Variants in STARD3 observed in about 807,000 individuals in gnomAD.
STARD3 encodes the protein stAR-related lipid transfer protein 3.
Under a neutral mutation model 62.0 loss-of-function variants are expected in STARD3, and 39 were observed. That is an observed-to-expected ratio of 0.63 (90% CI 0.49 to 0.82). The LOEUF (loss-of-function observed/expected upper bound fraction) is 0.82. STARD3 is among the 40% of genes least tolerant of loss of function. The pLI is 0.00. For synonymous variants in STARD3, 229 were observed against 242.4 expected, an observed-to-expected ratio of 0.94 and a Z score of 0.51; for missense variants, 543 against 584.5, an observed-to-expected ratio of 0.93 and a Z score of 0.73.
chr17:39,658,985 AC>A (rs1208548390), intron 7 of STARD3, 65 bp from the exon 8 acceptor site: 19 of 1,603,398 alleles, frequency 1.2e-5, no homozygotes, highest in Non-Finnish European at 1.5e-5. Context: ...ACATACCCGA[AC>A]CCCACTACCT....
intron 3 of STARD3, among the ~76,000 whole-genome samples, chr17:39,657,482 G>A (rs1477139830): frequency 1.3e-5 from 2 of 151,418 alleles, no homozygotes; most frequent in South Asian, 4.2e-4. Flanking sequence ...AGCTGAGACC[G>A]TGCCACCGCA....
chr17:39,637,784 C>G (rs1269974912), intron 1 of STARD3, among the ~76,000 whole-genome samples: 3 of 152,168 alleles, frequency 2.0e-5, no homozygotes. Context: ...TAGTCAATGT[C>G]TCCTGGTTTT....
chr17:39,653,454 A>G (rs1297547022), intron 1 of STARD3, 27 bp from the exon 2 acceptor site: 11 of 1,474,132 alleles, frequency 7.5e-6, no homozygotes, highest in Non-Finnish European at 1.0e-5. Context: ...GGAGTTTGAC[A>G]GGACTCTGCC....
chr17:39,653,491 G>T lies in STARD3; in HGVS notation c.-41G>T, dbSNP rs1030054060. On this transcript the variant is annotated 5_prime_UTR_variant, in exon 2 of 15. The change abolishes the stop of an existing upstream ORF in the 5' untranslated region. Transcript: ENST00000336308. ...CTGCCTCGCCCCCAGCCCTGCTGCT[G>T]AGGCCGCGCCCTCCCCGCCCTGAGG... 1.3e-6 allele frequency: 2 copies of T among 1,590,338 alleles called. No homozygotes were observed. The highest frequency in any genetic ancestry group is 1.7e-6 in the Non-Finnish European group (2 of 1,173,744).
chr17:39,659,046 T>A lies in STARD3; in HGVS notation c.647-5T>A, dbSNP rs753030570. 6.2e-7 allele frequency: 1 copy of A among 1,614,204 alleles called. No individual in the cohort carries two copies. The highest frequency in any genetic ancestry group is 2.2e-5 in the East Asian group (1 of 44,874). On this transcript the variant is annotated splice_region_variant and splice_polypyrimidine_tract_variant and intron_variant, in intron 7 of 14. Transcript: ENST00000336308. Reference sequence around the variant, plus strand: ...GCCATTGTCATCTGTGCCTGTTTTCTGCAGGGTCTGACAATGAATCAGATG... The same window carrying A: ...GCCATTGTCATCTGTGCCTGTTTTCAGCAGGGTCTGACAATGAATCAGATG...
Position 39,661,025 on chromosome 17 carries a change from A to C in STARD3, c.1079A>C (p.Tyr360Ser), listed in dbSNP as rs765589654. 2 of 1,613,582 alleles carry C rather than the reference A, an allele frequency of 1.2e-6. No individual in the cohort carries two copies. The highest frequency in any genetic ancestry group is 2.7e-5 in the African/African-American group (2 of 74,858). Reference sequence around the variant, plus strand: ...CGCATTGAGCGGCGCAGGGACCGATACTTGTCATCAGGGATCGCCACCTCA... The same window carrying C: ...CGCATTGAGCGGCGCAGGGACCGATCCTTGTCATCAGGGATCGCCACCTCA... ...VRRIERRRDR[Y>S]LSSGIATSHS... Residue 360 changes from tyrosine (Y) to serine (S), a missense_variant, in exon 13 of 15, where the codon TAC becomes TCC. Transcript: ENST00000336308.
At position 39,660,215 on chromosome 17, in the gene STARD3, A is replaced by G. The variant is rs1386458696; in HGVS notation, c.800A>G (p.Tyr267Cys). The part of the protein sequence containing the change: ...ENWKFEKNNE[Y>C]GDTVYTIEVP... ...CACCTTCTGTCCCTGCCATAGGAAT[A>G]TGGGGACACCGTGTACACCATTGAA... Residue 267 changes from tyrosine (Y) to cysteine (C), a missense_variant, in exon 10 of 15, where the codon TAT (tyrosine) becomes TGT (cysteine). By Grantham distance (194) the Tyr-to-Cys change is radical. Transcript: ENST00000336308. The surrounding 1 kb of genome is among the most constrained non-coding windows in gnomAD (Gnocchi z 4.8). 1 of 1,613,816 alleles carries G rather than the reference A, an allele frequency of 6.2e-7. No homozygotes were observed. The highest frequency in any genetic ancestry group is 1.3e-5 in the African/African-American group (1 of 74,864).
intron 2 of STARD3, among the ~76,000 whole-genome samples, chr17:39,655,371 A>G (rs1291674216): frequency 6.6e-6 from 1 of 150,530 alleles, no homozygotes; most frequent in Admixed American, 6.6e-5. Context: ...TTTGGTAGAG[A>G]TGGAGTCTCA....
At chr17:39,640,201 C>T (rs1052349702) in intron 1 of STARD3, among the ~76,000 whole-genome samples, 2 of 152,184 alleles carry the variant, frequency 1.3e-5, no homozygotes, top group African/African-American at 2.4e-5. Context: ...GCACATCTGG[C>T]AGCTTGTGCC....
chr17:39,644,851 CAA>C (rs35361174), intron 1 of STARD3, among the ~76,000 whole-genome samples: 20 of 116,838 alleles, frequency 1.7e-4, no homozygotes, highest in African/African-American at 2.7e-4. Flanking sequence ...GACAGAGTCT[CAA>C]AAAAAAAAAA....
chr17:39,641,315 A>G (rs1230337326), intron 1 of STARD3, among the ~76,000 whole-genome samples: 1 of 152,056 alleles, frequency 6.6e-6, no homozygotes, highest in Non-Finnish European at 1.5e-5. Context: ...AGCTGTGATA[A>G]GGGAAATGCT....
chr17:39,657,103 A>G lies in STARD3; in HGVS notation c.297+18A>G. On this transcript the variant is annotated intron_variant, in intron 3 of 14. Coordinates refer to ENST00000336308, the MANE Select transcript of STARD3 (RefSeq NM_006804.4). ...ACATCTTTGTGAGTGGCCTTGGCTG[A>G]TCCTGGGGACCCCGGAGGCAGAGAG... is the stretch of plus-strand genomic sequence containing the variant. 6.2e-7 allele frequency: 1 copy of G among 1,613,446 alleles called. No homozygotes were observed. Among genetic ancestry groups the G allele is most frequent in the Non-Finnish European group, 8.5e-7 (1 of 1,179,670 alleles).
chr17:39,657,324 G>A (rs970415937), intron 3 of STARD3, among the ~76,000 whole-genome samples: 1 of 152,076 alleles, frequency 6.6e-6, no homozygotes, highest in African/African-American at 2.4e-5. Context: ...TTAGGAGTTC[G>A]AAACCAGCTT....
chr17:39,659,476 C>A lies in STARD3; in HGVS notation c.718C>A (p.Arg240Ser). 3 of 1,614,092 alleles carry A rather than the reference C, an allele frequency of 1.9e-6. No individual in the cohort carries two copies. Among genetic ancestry groups the A allele is most frequent in the Non-Finnish European group, 2.5e-6 (3 of 1,180,020 alleles). Residue 240 changes from arginine (R) to serine (S), a missense_variant, in exon 9 of 15, where the codon CGC (arginine) becomes AGC (serine). Physicochemically the swap from Arg to Ser is moderately radical, Grantham distance 110 (BLOSUM62 -1). Transcript: ENST00000336308. ...SFSAQEREYI[R>S]QGKEATAVVD... ...TTCCGTCCAGGAGCGGGAGTACATCCGCCAGGGGAAGGAGGCCACGGCAGT... is the reference window on the plus strand; with the variant it reads ...TTCCGTCCAGGAGCGGGAGTACATCAGCCAGGGGAAGGAGGCCACGGCAGT...
intron 13 of STARD3, chr17:39,661,326 G>C (rs1230607447): frequency 1.1e-5 from 6 of 551,314 alleles, no homozygotes; most frequent in Non-Finnish European, 1.6e-5. Flanking sequence ...GATGTGCGGC[G>C]GTGGCTGGCT....
rs147005258 is a variant in STARD3 at position 39,644,735 on chromosome 17, C to T, written c.-52+7504C>T. Among the ~76,000 whole-genome samples, 1,311 of 151,720 alleles carry T rather than the reference C, an allele frequency of 8.6e-3. 9 individuals carry two copies. Among genetic ancestry groups the T allele is most frequent in the Non-Finnish European group, 0.015 (1,044 of 67,934 alleles). On this transcript the variant is annotated intron_variant, in intron 1 of 14. Transcript: ENST00000336308. ...ATTAGCCTGGCATGGTGGCATCTGC[C>T]TGTAGTCCCAGCTACTCAGGAGGCT...
chr17:39,660,975 C>T lies in STARD3; in HGVS notation c.1035-6C>T. Reference sequence around the variant, plus strand: ...TTGTCCCCTGAACTAACCCTCCCTCCCGCAGGGACTTCGTGAATGTCCGGC... The same window carrying T: ...TTGTCCCCTGAACTAACCCTCCCTCTCGCAGGGACTTCGTGAATGTCCGGC... On this transcript the variant is annotated splice_region_variant and splice_polypyrimidine_tract_variant and intron_variant, in intron 12 of 14. Coordinates refer to ENST00000336308, the MANE Select transcript of STARD3 (RefSeq NM_006804.4). The surrounding 1 kb of genome is among the most constrained non-coding windows in gnomAD (Gnocchi z 4.8). 6.2e-7 allele frequency: 1 copy of T among 1,613,642 alleles called. No individual in the cohort carries two copies. The highest frequency in any genetic ancestry group is 8.5e-7 in the Non-Finnish European group (1 of 1,179,920).
intron 1 of STARD3, among the ~76,000 whole-genome samples, chr17:39,643,735 G>A (rs1041530858): frequency 2.6e-5 from 4 of 152,170 alleles, no homozygotes; most frequent in Non-Finnish European, 5.9e-5. Context: ...CTGCCCTGAA[G>A]CCATCTCGCC....
intron 14 of STARD3, 195 bp downstream of exon 14, chr17:39,662,539 C>T: frequency 1.6e-6 from 1 of 644,728 alleles, no homozygotes. Context: ...CATGTGCCCC[C>T]CCTTCTTACC....
Sources: gnomAD v4.1 joint callset for allele counts (sites outside exome capture counted in the v4.1 genomes callset) on GRCh38, gnomAD v4.1.1 for gene constraint, Gnocchi (gnomAD v3.1) non-coding constraint, MANE v1.5 for transcripts, NCBI Gene and HGNC (gene_info 2026-07-23, HGNC 2026-07-21) for gene names.